Variants in SNX29 observed in about 807,000 individuals in gnomAD.
The protein encoded by SNX29 is sorting nexin 29.
A neutral mutation model predicts 102.1 loss-of-function variants in SNX29; 78 were observed. The observed-to-expected ratio is 0.76, with a 90% CI of 0.64 to 0.92. The LOEUF is 0.92. Ranked by LOEUF, SNX29 falls within the 40% of genes least tolerant of loss-of-function variation. The pLI, the probability that SNX29 is intolerant of heterozygous loss-of-function variation, is 0.00. For missense variants in SNX29, 1,280 were observed against 1,061.7 expected, an observed-to-expected ratio of 1.21 and a Z score of -2.86; for synonymous variants, 580 against 414.5, an observed-to-expected ratio of 1.40 and a Z score of -4.85.
intron 15 of SNX29, among the ~76,000 whole-genome samples, chr16:12,337,405 G>A (rs1030704293): frequency 5.3e-5 from 8 of 152,060 alleles, no homozygotes; most frequent in Non-Finnish European, 1.0e-4. Context: ...GCAGTGGTGC[G>A]ATCTCGGTTC....
At chr16:12,461,347 C>T (rs2086768153) in intron 18 of SNX29, among the ~76,000 whole-genome samples, 1 of 152,128 alleles carries the variant, frequency 6.6e-6, no homozygotes. Context: ...GAAGGAATTT[C>T]CAGAGGTGGT....
At chr16:12,339,400 T>C (rs1349249523) in intron 15 of SNX29, among the ~76,000 whole-genome samples, 2 of 121,004 alleles carry the variant, frequency 1.7e-5, no homozygotes, top group East Asian at 2.5e-4. Context: ...AAAAAGATTA[T>C]GGGTAGTGAG....
intron 20 of SNX29, among the ~76,000 whole-genome samples, chr16:12,529,431 A>G (rs572255049): frequency 6.6e-4 from 100 of 152,300 alleles, no homozygotes; most frequent in African/African-American, 2.2e-3. Flanking sequence ...TCGGACTCCA[A>G]GAATTCGCTC....
chr16:12,571,967 G>T lies in SNX29; in HGVS notation c.*3338G>T. On this transcript the variant is annotated 3_prime_UTR_variant, in exon 21 of 21. Coordinates refer to ENST00000566228, the MANE Select transcript of SNX29 (RefSeq NM_032167.5). The stretch of plus-strand genomic sequence containing the variant: ...AGGGAAGAGGCTCTTACAGTCTATG[G>T]TGGTAGCCATCTTCACATCCAGTCA... The T allele has an allele frequency of 1.8e-5, 19 of 1,061,876 alleles. No homozygotes were observed. Among genetic ancestry groups the T allele is most frequent in the Non-Finnish European group, 2.2e-5 (19 of 877,094 alleles). 65.8% of individuals were successfully genotyped at this position (1,061,876 alleles called of 1,614,324 possible).
chr16:12,423,456 G>C (rs2084944460), intron 18 of SNX29, among the ~76,000 whole-genome samples: 1 of 152,190 alleles, frequency 6.6e-6, no homozygotes, highest in Admixed American at 6.5e-5. Flanking sequence ...GGGCTTTGGG[G>C]CTCAGGCAAA....
intron 16 of SNX29, chr16:12,375,809 T>A (rs559011966): frequency 2.0e-5 from 3 of 151,408 alleles, no homozygotes; most frequent in African/African-American, 7.3e-5. Context: ...AAGGTGGGGG[T>A]GCATTTGAGG....
At chr16:12,397,198 T>C (rs1331197049) in intron 16 of SNX29, among the ~76,000 whole-genome samples, 4 of 152,260 alleles carry the variant, frequency 2.6e-5, no homozygotes, top group Admixed American at 6.5e-5. Context: ...CAGTCTCCAC[T>C]GTTGATTTAA....
rs573101310 is a variant in SNX29, at chr16:11,980,995, C to G, written c.7+4182C>G. Among the ~76,000 whole-genome samples the G allele has an allele frequency of 2.7e-5, 4 of 149,738 alleles. 1 individual carries two copies. In the South Asian group the frequency reaches 8.4e-4, roughly 32 times the overall value. Reference sequence around the variant, plus strand: ...TTTTTTTTTGAGTTGGAGTCTTGCTCTATCACCCAGGCTGGAGTGCTGGAG... The same window carrying G: ...TTTTTTTTTGAGTTGGAGTCTTGCTGTATCACCCAGGCTGGAGTGCTGGAG... On this transcript the variant is annotated intron_variant, in intron 1 of 20. Coordinates refer to ENST00000566228, the MANE Select transcript of SNX29 (RefSeq NM_032167.5).
chr16:12,460,964 A>G (rs2086754617), intron 18 of SNX29, among the ~76,000 whole-genome samples: 1 of 152,252 alleles, frequency 6.6e-6, no homozygotes, highest in African/African-American at 2.4e-5. Context: ...TCTTTAGAAC[A>G]GGCACATTGC....
chr16:12,053,507 C>T (rs996923655), intron 8 of SNX29, among the ~76,000 whole-genome samples: 3 of 151,924 alleles, frequency 2.0e-5, no homozygotes, highest in African/African-American at 7.2e-5. Flanking sequence ...CCAGCCTGGG[C>T]AACACAGCAA....
At chr16:12,310,204 C>T (rs1481022615) in intron 15 of SNX29, among the ~76,000 whole-genome samples, 4 of 152,200 alleles carry the variant, frequency 2.6e-5, no homozygotes, top group Non-Finnish European at 5.9e-5. Flanking sequence ...TGTCAGAGAT[C>T]ATACATGCAT....
At chr16:12,334,899 G>A (rs1403919707) in intron 15 of SNX29, among the ~76,000 whole-genome samples, 1 of 12,174 alleles carries the variant, frequency 8.2e-5, no homozygotes, top group African/African-American at 1.6e-4. Flanking sequence ...CAGCCCCAGA[G>A]CCTTTTTTTT....
chr16:12,461,249 A>G (rs568833075), intron 18 of SNX29, among the ~76,000 whole-genome samples: 88 of 152,160 alleles, frequency 5.8e-4, no homozygotes, highest in Non-Finnish European at 7.2e-4. Context: ...TGGAGCCACC[A>G]CAAGTCTGGT....
At chr16:12,114,315 GCT>G (rs955602613) in intron 11 of SNX29, among the ~76,000 whole-genome samples, 1 of 152,222 alleles carries the variant, frequency 6.6e-6, no homozygotes, top group African/African-American at 2.4e-5. Context: ...CCCCTGAAGG[GCT>G]CTGTTAGGAG....
At chr16:12,556,845 T>TG in intron 20 of SNX29, among the ~76,000 whole-genome samples, 1 of 151,964 alleles carries the variant, frequency 6.6e-6, no homozygotes, top group South Asian at 2.1e-4. Flanking sequence ...AGTTTGATGG[T>TG]GGAAAAAATT....
intron 15 of SNX29, among the ~76,000 whole-genome samples, chr16:12,297,749 G>A (rs1441684938): frequency 6.6e-6 from 1 of 152,144 alleles, no homozygotes; most frequent in East Asian, 1.9e-4. Context: ...AAAGCTGGGG[G>A]AAATGTGAGC....
chr16:12,212,516 C>T (rs1416259917), intron 14 of SNX29, among the ~76,000 whole-genome samples: 6 of 152,240 alleles, frequency 3.9e-5, no homozygotes, highest in Admixed American at 6.5e-5. Context: ...CCAATCCCAG[C>T]CCTGTCATTT....
intron 11 of SNX29, among the ~76,000 whole-genome samples, chr16:12,122,919 C>G (rs962507477): frequency 6.6e-6 from 1 of 152,080 alleles, no homozygotes; most frequent in Non-Finnish European, 1.5e-5. Flanking sequence ...CTCTGCCTCC[C>G]AGGTTCAAGC....
At chr16:12,391,300 A>G (rs1371249133) in intron 16 of SNX29, among the ~76,000 whole-genome samples, 1 of 152,224 alleles carries the variant, frequency 6.6e-6, no homozygotes, top group Non-Finnish European at 1.5e-5. Flanking sequence ...CACAGAATCC[A>G]GACAAACATC....
Sources: gnomAD v4.1 joint callset for allele counts (sites outside exome capture counted in the v4.1 genomes callset) on GRCh38, gnomAD v4.1.1 for gene constraint, MANE v1.5 for transcripts, NCBI Gene and HGNC (gene_info 2026-07-23, HGNC 2026-07-21) for gene names.